Variants in SNED1 observed in about 807,000 individuals in gnomAD.
SNED1 encodes the protein sushi, nidogen and EGF-like domain-containing protein 1.
Under a neutral mutation model 166.7 loss-of-function variants are expected in SNED1, and 81 were observed. That is an observed-to-expected ratio of 0.49 (90% CI 0.41 to 0.58). The LOEUF (loss-of-function observed/expected upper bound fraction) is 0.58, where lower values mean the gene tolerates loss of function less well. Among genes scored for constraint, SNED1 ranks in the 20% least tolerant of loss-of-function variants. SNED1 has a pLI of 0.00. For missense variants in SNED1, 1,604 were observed against 2,000.2 expected (o/e 0.80, Z 3.78); for synonymous variants, 762 against 822.0 (o/e 0.93, Z 1.25).
At chr2:241,071,144 C>T (rs1392363450) in intron 24 of SNED1, among the ~76,000 whole-genome samples, 1 of 152,184 alleles carries the variant, frequency 6.6e-6, no homozygotes, top group Non-Finnish European at 1.5e-5. Flanking sequence ...CAGATGCACC[C>T]TCACTCTCAG....
intron 17 of SNED1, 103 bp from the exon 18 acceptor site, chr2:241,063,484 G>A (rs1447576032): frequency 2.5e-6 from 2 of 785,260 alleles, no homozygotes; most frequent in South Asian, 2.9e-5. Context: ...CTCCCAGCTG[G>A]GAAAGGGGTA....
rs34234341 is a variant in SNED1 at position 241,023,888 on chromosome 2, C to CTTTTTTTTTTTTTTTTTTTTTTTTTTTT, written c.214-6377_214-6376insTTTTTTTTTTTTTTTTTTTTTTTTTTTT. Among the ~76,000 whole-genome samples the CTTTTTTTTTTTTTTTTTTTTTTTTTTTT allele has an allele frequency of 2.6e-4, 24 of 92,004 alleles. 1 individual carries two copies. Among genetic ancestry groups the CTTTTTTTTTTTTTTTTTTTTTTTTTTTT allele is most frequent in the Middle Eastern group, 0.011 (1 of 94 alleles). 60.4% of individuals were successfully genotyped at this position (92,004 alleles called of 152,430 possible). ...TTCTCTCTTTTTTTCTTTTTTTTTC[C>CTTTTTTTTTTTTTTTTTTTTTTTTTTTT]TTTTTTTTTTTTTTTTTTTGAGACA... On this transcript the variant is annotated intron_variant, in intron 1 of 31. Transcript: ENST00000310397.
Position 241,037,255 on chromosome 2 carries a change from C to T in SNED1, c.947C>T (p.Ala316Val). 6.2e-7 allele frequency: 1 copy of T among 1,610,070 alleles called. No individual in the cohort carries two copies. The highest frequency in any genetic ancestry group is 8.5e-7 in the Non-Finnish European group (1 of 1,178,462). ...RRCHLDVNEC[A>V]SQPCQNGGTC... ...CATGTTTCAGACGTGAACGAATGTGCCTCCCAGCCCTGTCAGAATGGTGGG... is the reference window on the plus strand; with the variant it reads ...CATGTTTCAGACGTGAACGAATGTGTCTCCCAGCCCTGTCAGAATGGTGGG... The change falls in exon 6 of 32, where the codon GCC (alanine) becomes GTC (valine). Residue 316 changes from alanine (A) to valine (V), a missense_variant. Coordinates refer to ENST00000310397, the MANE Select transcript of SNED1 (RefSeq NM_001080437.3).
In SNED1 at chr2:240,999,592, A is replaced by C. The variant is rs2060013696; in HGVS notation, c.213+542A>C. ...CTTCGCTGACCCTCCTAGGCGGGCT[A>C]GCAACAGGCTTGCCCCTCCCTGCCG... is the stretch of plus-strand genomic sequence containing the variant. On this transcript the variant is annotated intron_variant, in intron 1 of 31. Transcript: ENST00000310397. This position sits in a 1 kb window ranked among gnomAD's most constrained non-coding sequence, Gnocchi z 5.8. 6.6e-6 allele frequency among the ~76,000 whole-genome samples: 1 copy of C among 152,174 alleles called. No homozygotes were observed. The highest frequency in any genetic ancestry group is 2.4e-5 in the African/African-American group (1 of 41,448).
intron 29 of SNED1, among the ~76,000 whole-genome samples, chr2:241,085,919 T>C (rs2063553436): frequency 7.2e-6 from 1 of 138,416 alleles, no homozygotes; most frequent in African/African-American, 2.8e-5. Context: ...CAGGCTGGAG[T>C]GCAGTGGAGC....
In SNED1 at chr2:241,033,844, A is replaced by G. The variant is rs748061125; in HGVS notation, c.611A>G (p.Asn204Ser). The G allele has an allele frequency of 3.1e-6, 5 of 1,608,304 alleles. No homozygotes were observed. Among genetic ancestry groups the G allele is most frequent in the South Asian group, 1.1e-5 (1 of 89,912 alleles). The change falls in exon 3 of 32, where the codon AAC becomes AGC. Residue 204 changes from asparagine (N) to serine (S), a missense_variant. Physicochemically the swap from Asn to Ser is conservative, Grantham distance 46. Coordinates refer to ENST00000310397, the MANE Select transcript of SNED1 (RefSeq NM_001080437.3). Reference sequence around the variant, plus strand: ...GGCACACACGCCAGCAGCGGGGGCAACGCCACTGGCCTCGGGGGCATCGCA... The same window carrying G: ...GGCACACACGCCAGCAGCGGGGGCAGCGCCACTGGCCTCGGGGGCATCGCA... ...TTGTHASSGGNATGLGGIAAQ... is the reference protein window; with the variant it reads ...TTGTHASSGGSATGLGGIAAQ...
intron 8 of SNED1, among the ~76,000 whole-genome samples, chr2:241,042,314 G>T (rs1218795283): frequency 6.6e-6 from 1 of 152,158 alleles, no homozygotes; most frequent in Non-Finnish European, 1.5e-5. Context: ...CCTCAGTGGG[G>T]TGTCACTTTA....
chr2:241,062,583 C>G (rs1201975332), intron 16 of SNED1, among the ~76,000 whole-genome samples: 1 of 152,198 alleles, frequency 6.6e-6, no homozygotes, highest in Non-Finnish European at 1.5e-5. Context: ...CAAGCCCGCC[C>G]TGCTGCTTCA....
chr2:241,079,120 A>C (rs2063198790), intron 27 of SNED1, among the ~76,000 whole-genome samples: 1 of 146,728 alleles, frequency 6.8e-6, no homozygotes, highest in Admixed American at 6.8e-5. Flanking sequence ...TCTCAAAAAA[A>C]AAAAAAAAAA....
intron 8 of SNED1, among the ~76,000 whole-genome samples, chr2:241,044,503 C>T (rs531931076): frequency 6.6e-6 from 1 of 152,254 alleles, no homozygotes; most frequent in East Asian, 1.9e-4. Flanking sequence ...GGAAGAAGAC[C>T]AAGCTTCGAA....
At chr2:241,087,769 C>A in intron 30 of SNED1, 1 of 1,099,752 alleles carries the variant, frequency 9.1e-7, no homozygotes, top group Non-Finnish European at 1.2e-6. Flanking sequence ...CAGGGTGTTA[C>A]GGACAGCCCC....
rs1427711211 is a variant in SNED1 at position 241,051,099 on chromosome 2, G to A, written c.1736-645G>A. Among the ~76,000 whole-genome samples the A allele has an allele frequency of 1.3e-5, 2 of 152,206 alleles. No homozygotes were observed. The highest frequency in any genetic ancestry group is 1.9e-4 in the East Asian group (1 of 5,194). On this transcript the variant is annotated intron_variant, in intron 12 of 31. Transcript: ENST00000310397. The surrounding 1 kb of genome is among the most constrained non-coding windows in gnomAD (Gnocchi z 4.7). ...GGCAGGAGAGGAGCGAGCACAGTGGGGCAGGCCCCTCCCGCCACTCAGAAC... is the reference window on the plus strand; with the variant it reads ...GGCAGGAGAGGAGCGAGCACAGTGGAGCAGGCCCCTCCCGCCACTCAGAAC...
intron 31 of SNED1, chr2:241,089,231 T>C (rs2063752150): frequency 1.4e-6 from 2 of 1,427,144 alleles, no homozygotes; most frequent in Non-Finnish European, 9.4e-7. Flanking sequence ...GATGAATCTC[T>C]GGTTGGCCTA....
chr2:241,032,979 A>G (rs936203452), intron 2 of SNED1, among the ~76,000 whole-genome samples: 2 of 152,150 alleles, frequency 1.3e-5, no homozygotes, highest in Non-Finnish European at 2.9e-5. Context: ...GATTTTTTTA[A>G]GTATTCGGAA....
chr2:241,055,958 A>C (rs2062028170), intron 16 of SNED1, among the ~76,000 whole-genome samples: 3 of 152,252 alleles, frequency 2.0e-5, no homozygotes, highest in Admixed American at 2.0e-4. Flanking sequence ...CAGCTTCGCT[A>C]CCTAGTAGAG....
At chr2:241,002,045 C>G (rs896730785) in intron 1 of SNED1, among the ~76,000 whole-genome samples, 1 of 152,222 alleles carries the variant, frequency 6.6e-6, no homozygotes, top group African/African-American at 2.4e-5. Context: ...GGCCCTACCC[C>G]TCCCAGAACA....
intron 11 of SNED1, 61 bp downstream of exon 11, chr2:241,049,196 C>T (rs1284438508): frequency 9.0e-6 from 12 of 1,336,808 alleles, no homozygotes; most frequent in South Asian, 1.2e-5. Flanking sequence ...AGGGAGAAAG[C>T]GGTGGATGAG....
chr2:241,028,172 T>C (rs1401238640), intron 1 of SNED1, among the ~76,000 whole-genome samples: 1 of 152,260 alleles, frequency 6.6e-6, no homozygotes, highest in African/African-American at 2.4e-5. Flanking sequence ...TCTCTCTATA[T>C]TCAGGATATT....
intron 15 of SNED1, 138 bp downstream of exon 15, chr2:241,052,606 G>A (rs1385953478): frequency 1.4e-6 from 1 of 714,770 alleles, no homozygotes; most frequent in African/African-American, 1.8e-5. Flanking sequence ...AGGATATATG[G>A]GATACCAGTG....
Sources: gnomAD v4.1 joint callset for allele counts (sites outside exome capture counted in the v4.1 genomes callset) on GRCh38, gnomAD v4.1.1 for gene constraint, Gnocchi (gnomAD v3.1) non-coding constraint, MANE v1.5 for transcripts, NCBI Gene and HGNC (gene_info 2026-07-23, HGNC 2026-07-21) for gene names.